The following RBBP6 variants were observed in gnomAD, a reference collection of about 807,000 sequenced individuals.
RBBP6 encodes RB binding protein 6, ubiquitin ligase.
RBBP6 carries 25 observed loss-of-function variants against 167.7 expected under a neutral mutation model. The ratio of observed to expected loss-of-function variants is 0.15; its 90% CI spans 0.11 to 0.21. The LOEUF is 0.21. Among genes scored for constraint, RBBP6 ranks in the 10% least tolerant of loss-of-function variants. The pLI is 1.00. For missense variants in RBBP6, 1,868 were observed against 2,134.2 expected (o/e 0.88, Z 2.46); for synonymous variants, 789 against 735.8 (o/e 1.07, Z -1.17).
In RBBP6 at chr16:24,540,617, C is replaced by T. The variant is rs966778930; in HGVS notation, c.-10C>T. ...GTCTCCTCGCTGAACCTTAGGAATCCCTTGGCACCATGTCCTGTGTGCATT... is the reference window on the plus strand; with the variant it reads ...GTCTCCTCGCTGAACCTTAGGAATCTCTTGGCACCATGTCCTGTGTGCATT... On this transcript the variant is annotated 5_prime_UTR_variant, in exon 1 of 18. Transcript: ENST00000319715. 1 of 1,609,296 alleles carries T rather than the reference C, an allele frequency of 6.2e-7. No homozygotes were observed. Among genetic ancestry groups the T allele is most frequent in the South Asian group, 1.1e-5 (1 of 90,710 alleles).
intron 6 of RBBP6, 134 bp from the exon 7 acceptor site, chr16:24,556,174 A>G (rs1360836351): frequency 7.8e-6 from 6 of 767,200 alleles, no homozygotes; most frequent in Non-Finnish European, 1.2e-5. Flanking sequence ...CATAGCAGTT[A>G]CAAGGATTAA....
intron 1 of RBBP6, among the ~76,000 whole-genome samples, chr16:24,541,189 AAAACAAAAAAAAAACC>A (rs1429068148): frequency 6.3e-5 from 5 of 79,932 alleles, no homozygotes; most frequent in South Asian, 7.1e-4. Flanking sequence ...AGCAAAAAAA[AAAACAAAAAAAAAACC>A]AAAAAAACAA....
At chr16:24,567,931 C>T (rs534873686) in intron 16 of RBBP6, 38 bp downstream of exon 16, 56 of 1,516,992 alleles carry the variant, frequency 3.7e-5, no homozygotes, top group South Asian at 3.1e-4. Context: ...GAATTACAAA[C>T]GGGACTTTGA....
intron 1 of RBBP6, among the ~76,000 whole-genome samples, chr16:24,545,689 T>G (rs1898627315): frequency 6.6e-6 from 1 of 152,252 alleles, no homozygotes; most frequent in South Asian, 2.1e-4. Flanking sequence ...TGTATTCCAC[T>G]ATTCATTCCT....
intron 8 of RBBP6, among the ~76,000 whole-genome samples, chr16:24,560,383 G>A (rs1899021540): frequency 6.6e-6 from 1 of 152,198 alleles, no homozygotes; most frequent in Non-Finnish European, 1.5e-5. Context: ...TGGGATTACA[G>A]GCGTGAGCCA....
intron 4 of RBBP6, 96 bp from the exon 5 acceptor site, chr16:24,555,518 TA>T: frequency 1.1e-6 from 1 of 905,658 alleles, no homozygotes; most frequent in Non-Finnish European, 1.7e-6. Context: ...CAAGATTAGT[TA>T]GATACTGCTC....
intron 7 of RBBP6, among the ~76,000 whole-genome samples, chr16:24,557,082 T>C (rs1898929363): frequency 7.0e-6 from 1 of 142,764 alleles, no homozygotes; most frequent in African/African-American, 2.6e-5. Flanking sequence ...AACTGCAAGC[T>C]CCACCTCCCA....
rs1899219049 is a variant in RBBP6, at chr16:24,567,316, C to T, written c.1763C>T (p.Pro588Leu). 1 of 1,614,078 alleles carries T rather than the reference C, an allele frequency of 6.2e-7. No individual in the cohort carries two copies. The highest frequency in any genetic ancestry group is 1.3e-5 in the African/African-American group (1 of 75,014). ...VPPPQFSPQF[P>L]PGQPPPAGYS... ...CCTCCACAGTTTTCTCCTCAGTTTC[C>T]TCCTGGCCAGCCACCACCCGCTGGG... The change falls in exon 15 of 18, where the codon CCT becomes CTT. Residue 588 changes from proline (P) to leucine (L), a missense_variant. Pro to Leu is a moderately conservative substitution (Grantham distance 98). Around this residue, in one of 7 missense-constraint regions of RBBP6, gnomAD observed 145 missense variants for 224.3 expected, o/e 0.65. Transcript: ENST00000319715.
chr16:24,562,424 C>A (rs1377524612), intron 10 of RBBP6, among the ~76,000 whole-genome samples: 3 of 152,100 alleles, frequency 2.0e-5, no homozygotes, highest in Non-Finnish European at 4.4e-5. Context: ...TTCCATATAC[C>A]ATAACAGCTC....
chr16:24,545,316 C>T (rs1898616330), intron 1 of RBBP6, among the ~76,000 whole-genome samples: 1 of 152,126 alleles, frequency 6.6e-6, no homozygotes, highest in South Asian at 2.1e-4. Flanking sequence ...TCGTGATCCG[C>T]CCCCCTCAGC....
chr16:24,572,081 A>C lies in RBBP6; in HGVS notation c.5015A>C (p.Lys1672Thr). 6.2e-7 allele frequency: 1 copy of C among 1,614,152 alleles called. No homozygotes were observed. The highest frequency in any genetic ancestry group is 1.1e-5 in the South Asian group (1 of 91,082). ...SKDLKDKIVE[K>T]AKESLDTAAV... is the part of the protein sequence containing the mutation. ...GACCTGAAAGATAAAATAGTGGAGA[A>C]AGCAAAAGAGAGCCTGGACACAGCA... The change falls in exon 18 of 18, where the codon AAA (lysine) becomes ACA (threonine). Residue 1672 changes from lysine to threonine, a missense_variant. Lys to Thr is a moderately conservative substitution (Grantham distance 78). This residue lies in a region of RBBP6 where 591 missense variants were observed against 540.5 expected (regional missense o/e 1.09). Coordinates refer to ENST00000319715, the MANE Select transcript of RBBP6 (RefSeq NM_006910.5).
chr16:24,569,442 GAGA>G lies in RBBP6; in HGVS notation c.2755_2757del (p.Lys919del), dbSNP rs751245313. 1.9e-6 allele frequency: 3 copies of G among 1,613,608 alleles called. No individual in the cohort carries two copies. The highest frequency in any genetic ancestry group is 2.5e-6 in the Non-Finnish European group (3 of 1,179,952). ...TCAGAAGGATAATACAAAGTCAAAAGAGAAGGAGAGTGAAAACGCTCCAGGAGA... is the reference window on the plus strand; with the variant it reads ...TCAGAAGGATAATACAAAGTCAAAAGAGGAGAGTGAAAACGCTCCAGGAGA... On this transcript the variant is annotated inframe_deletion, in exon 17 of 18. Transcript: ENST00000319715.
At chr16:24,547,736 G>A (rs946957553) in intron 2 of RBBP6, among the ~76,000 whole-genome samples, 2 of 152,160 alleles carry the variant, frequency 1.3e-5, no homozygotes, top group Admixed American at 6.5e-5. Flanking sequence ...GATTACAGGC[G>A]TGAGCCACCG....
intron 14 of RBBP6, 62 bp downstream of exon 14, chr16:24,564,927 A>G: frequency 6.5e-7 from 1 of 1,545,600 alleles, no homozygotes; most frequent in Non-Finnish European, 8.7e-7. Context: ...ATCTCACCAA[A>G]GAAATTAAAG....
intron 10 of RBBP6, among the ~76,000 whole-genome samples, chr16:24,562,375 T>G (rs1899084587): frequency 6.6e-6 from 1 of 152,218 alleles, no homozygotes; most frequent in Non-Finnish European, 1.5e-5. Flanking sequence ...GGTCAAATAC[T>G]ACACAGGTTG....
At chr16:24,546,963 A>T (rs867075109) in intron 2 of RBBP6, among the ~76,000 whole-genome samples, 1 of 152,316 alleles carries the variant, frequency 6.6e-6, no homozygotes, top group African/African-American at 2.4e-5. Context: ...GTATTCACTA[A>T]CCTGGGGCAG....
intron 7 of RBBP6, among the ~76,000 whole-genome samples, chr16:24,558,050 A>G (rs563928045): frequency 6.6e-6 from 1 of 152,332 alleles, no homozygotes; most frequent in Admixed American, 6.5e-5. Flanking sequence ...GAGACATTTC[A>G]TAGATGTTTC....
intron 10 of RBBP6, 129 bp downstream of exon 10, chr16:24,562,290 G>T (rs1188025803): frequency 1.1e-6 from 1 of 869,734 alleles, no homozygotes; most frequent in African/African-American, 1.7e-5. Flanking sequence ...TGACTTGTAA[G>T]AAGTGACTTA....
chr16:24,569,210 A>C lies in RBBP6; in HGVS notation c.2520A>C (p.Lys840Asn). ...WERKYREWYE[K>N]YYKGYAAGAQ... is the part of the protein sequence containing the mutation. ...GAAAATATAGAGAGTGGTATGAAAA[A>C]TATTATAAAGGTTATGCTGCTGGAG... The change falls in exon 17 of 18, where the codon AAA becomes AAC. Residue 840 changes from lysine (K) to asparagine (N), a missense_variant. Physicochemically the swap from Lys to Asn is moderately conservative, Grantham distance 94 (BLOSUM62 0). Coordinates refer to ENST00000319715, the MANE Select transcript of RBBP6 (RefSeq NM_006910.5). The C allele has an allele frequency of 6.2e-7, 1 of 1,613,864 alleles. No individual in the cohort carries two copies. Among genetic ancestry groups the C allele is most frequent in the Non-Finnish European group, 8.5e-7 (1 of 1,179,936 alleles).
Sources: gnomAD v4.1 joint callset for allele counts (sites outside exome capture counted in the v4.1 genomes callset) on GRCh38, gnomAD v4.1.1 for gene constraint, gnomAD v4.1.1 regional missense constraint, MANE v1.5 for transcripts, NCBI Gene and HGNC (gene_info 2026-07-23, HGNC 2026-07-21) for gene names.